The following SND1 variants were observed in gnomAD, a reference collection of about 807,000 sequenced individuals.
The protein encoded by SND1 is staphylococcal nuclease domain-containing protein 1.
A neutral mutation model predicts 121.7 loss-of-function variants in SND1; 38 were observed. The observed-to-expected ratio is 0.31, with a 90% CI of 0.24 to 0.41. The LOEUF (loss-of-function observed/expected upper bound fraction) is 0.41, where lower values mean the gene tolerates loss of function less well. Among genes scored for constraint, SND1 ranks in the 10% least tolerant of loss-of-function variants. SND1 has a pLI of 1.00. For synonymous variants in SND1, 401 were observed against 447.4 expected, an observed-to-expected ratio of 0.90 and a Z score of 1.31; for missense variants, 868 against 1,184.6, an observed-to-expected ratio of 0.73 and a Z score of 3.92.
chr7:128,055,004 T>C (rs1793111558), intron 16 of SND1, among the ~76,000 whole-genome samples: 1 of 152,258 alleles, frequency 6.6e-6, no homozygotes, highest in African/African-American at 2.4e-5. Flanking sequence ...AGGATGGATA[T>C]CTGCCCGATC....
intron 12 of SND1, among the ~76,000 whole-genome samples, chr7:127,866,726 G>A (rs1020184284): frequency 5.3e-5 from 8 of 151,986 alleles, no homozygotes; most frequent in East Asian, 3.9e-4. Flanking sequence ...GACTTTGACC[G>A]CTTTTGTCCA....
chr7:127,782,965 T>C (rs958472080), intron 10 of SND1, among the ~76,000 whole-genome samples: 1 of 152,210 alleles, frequency 6.6e-6, no homozygotes, highest in African/African-American at 2.4e-5. Context: ...ACACCTAGTG[T>C]AGTAATGTAT....
At chr7:127,922,188 T>TTTTTG (rs1800725669) in intron 14 of SND1, among the ~76,000 whole-genome samples, 10 of 97,774 alleles carry the variant, frequency 1.0e-4, no homozygotes, top group Non-Finnish European at 2.0e-4. Context: ...TTTTTTTTTT[T>TTTTTG]TTTTTTTTTT....
chr7:127,685,013 T>G (rs918092456), intron 1 of SND1, among the ~76,000 whole-genome samples: 7 of 152,152 alleles, frequency 4.6e-5, no homozygotes, highest in Non-Finnish European at 1.0e-4. Context: ...TACAAAATCC[T>G]TGGTCAGGGT....
intron 16 of SND1, chr7:127,999,762 C>T (rs1271877976): frequency 6.6e-6 from 1 of 152,156 alleles, no homozygotes; most frequent in Non-Finnish European, 1.5e-5. Context: ...GTATTCGATA[C>T]AGTCTACCCA....
At chr7:127,851,366 A>G (rs1799162775) in intron 12 of SND1, among the ~76,000 whole-genome samples, 1 of 151,432 alleles carries the variant, frequency 6.6e-6, no homozygotes, top group African/African-American at 2.5e-5. Context: ...AAATCTGTTT[A>G]TGTTGTAACT....
At chr7:127,765,291 G>T (rs1486335734) in intron 10 of SND1, among the ~76,000 whole-genome samples, 11 of 152,070 alleles carry the variant, frequency 7.2e-5, no homozygotes, top group Non-Finnish European at 1.6e-4. Context: ...TTTCTGATTT[G>T]CATTTAAAAA....
At chr7:128,073,607 C>T (rs1793452430) in intron 16 of SND1, among the ~76,000 whole-genome samples, 1 of 152,186 alleles carries the variant, frequency 6.6e-6, no homozygotes, top group South Asian at 2.1e-4. Context: ...ATTGCTTAAT[C>T]GAGCTTGAAG....
intron 10 of SND1, among the ~76,000 whole-genome samples, chr7:127,771,271 A>G (rs1017609958): frequency 6.6e-6 from 1 of 152,208 alleles, no homozygotes; most frequent in African/African-American, 2.4e-5. Context: ...TGGCATACGT[A>G]TACTATTGGT....
intron 10 of SND1, among the ~76,000 whole-genome samples, chr7:127,802,731 T>C (rs1798158075): frequency 6.6e-6 from 1 of 152,188 alleles, no homozygotes; most frequent in South Asian, 2.1e-4. Context: ...CACTCAGGTA[T>C]CTAATAGCTG....
At chr7:127,959,370 T>C (rs1801674908) in intron 15 of SND1, among the ~76,000 whole-genome samples, 1 of 152,190 alleles carries the variant, frequency 6.6e-6, no homozygotes. Context: ...TATGTCTTCA[T>C]CCCTGGGTAC....
intron 15 of SND1, among the ~76,000 whole-genome samples, chr7:127,952,974 G>A (rs1011191844): frequency 6.6e-6 from 1 of 152,022 alleles, no homozygotes; most frequent in Non-Finnish European, 1.5e-5. Flanking sequence ...ACCAGCCCTG[G>A]CCATATAGTG....
chr7:127,758,223 G>A (rs1364383260), intron 10 of SND1, among the ~76,000 whole-genome samples: 1 of 152,214 alleles, frequency 6.6e-6, no homozygotes, highest in Non-Finnish European at 1.5e-5. Flanking sequence ...ATTATGTACT[G>A]CTAGTACTAT....
intron 10 of SND1, among the ~76,000 whole-genome samples, chr7:127,747,547 A>T (rs2116448647): frequency 6.6e-6 from 1 of 152,334 alleles, no homozygotes. Flanking sequence ...AGATAATCCA[A>T]AAACTTCATG....
intron 15 of SND1, among the ~76,000 whole-genome samples, chr7:127,966,713 G>A (rs536611856): frequency 9.3e-6 from 1 of 107,444 alleles, no homozygotes; most frequent in African/African-American, 4.0e-5. Context: ...AGTGTGTAGA[G>A]GGAAATTTAT....
chr7:127,862,647 G>A (rs977075863), intron 12 of SND1, among the ~76,000 whole-genome samples: 1 of 152,112 alleles, frequency 6.6e-6, no homozygotes, highest in Admixed American at 6.5e-5. Flanking sequence ...ACACTCACTG[G>A]CCAATGATGA....
chr7:128,020,895 T>C (rs1024115798), intron 16 of SND1, among the ~76,000 whole-genome samples: 2 of 151,910 alleles, frequency 1.3e-5, no homozygotes, highest in African/African-American at 4.8e-5. Context: ...TTGCCGTCTC[T>C]CCCCCTCATG....
chr7:127,948,497 C>T (rs987521371), intron 15 of SND1, among the ~76,000 whole-genome samples: 4 of 152,200 alleles, frequency 2.6e-5, no homozygotes, highest in African/African-American at 9.7e-5. Context: ...GCTTAGAAGA[C>T]CGTCTGTGTC....
At chr7:127,921,865 C>T (rs866878809) in intron 14 of SND1, among the ~76,000 whole-genome samples, 7 of 152,114 alleles carry the variant, frequency 4.6e-5, no homozygotes, top group East Asian at 1.9e-4. Flanking sequence ...TCTTTTTTAG[C>T]GTAGAGTAGT....
Sources: gnomAD v4.1 joint callset for allele counts (sites outside exome capture counted in the v4.1 genomes callset) on GRCh38, gnomAD v4.1.1 for gene constraint, MANE v1.5 for transcripts, NCBI Gene and HGNC (gene_info 2026-07-23, HGNC 2026-07-21) for gene names.